The following COL5A1 variants were observed in gnomAD, a reference collection of about 807,000 sequenced individuals.
The protein encoded by COL5A1 is collagen type V alpha 1 chain.
Under a neutral mutation model 263.7 loss-of-function variants are expected in COL5A1, and 16 were observed. The observed-to-expected ratio is 0.06, with a 90% confidence interval of 0.04 to 0.09. The LOEUF (loss-of-function observed/expected upper bound fraction) is 0.09, where lower values mean the gene tolerates loss of function less well. COL5A1 is among the 10% of genes least tolerant of loss of function. The probability of loss-of-function intolerance (pLI) is 1.00; values close to 1 mark genes in which losing one functional copy is unlikely to be tolerated. For missense variants in COL5A1, 2,036 were observed against 2,540.5 expected (o/e 0.80, Z 4.27); for synonymous variants, 1,012 against 1,004.5 (o/e 1.01, Z -0.14).
At position 134,797,634 on chromosome 9, in the gene COL5A1, C is replaced by T. The variant is rs552682930; in HGVS notation, c.2898+733C>T. On this transcript the variant is annotated intron_variant, in intron 36 of 65. Transcript: ENST00000371817. The stretch of plus-strand genomic sequence containing the variant: ...AGTAGCTGGGATTACAGGCATGCGC[C>T]ACCACACCCAGCTAATTTTTGTATT... Among the ~76,000 whole-genome samples the T allele has an allele frequency of 1.2e-3, 183 of 152,288 alleles. 1 individual carries two copies. The highest frequency in any genetic ancestry group is 4.2e-3 in the African/African-American group (173 of 41,566).
rs12005196 is a variant in COL5A1 at position 134,785,244 on chromosome 9, T to G, written c.2592+148T>G. On this transcript the variant is annotated intron_variant, in intron 30 of 65. Transcript: ENST00000371817. ...GCTCCTGTCTCCACCCTGGGTTCTCTCTGCTGTTCCTATGAAGCTGTTGGT... is the reference window on the plus strand; with the variant it reads ...GCTCCTGTCTCCACCCTGGGTTCTCGCTGCTGTTCCTATGAAGCTGTTGGT... 0.13 allele frequency: 85,129 copies of G among 636,488 alleles called. 6,482 individuals are homozygous for G. The highest frequency in any genetic ancestry group is 0.25 in the African/African-American group (13,916 of 54,876). The allele number at this position is 636,488 out of a possible 1,614,324, so 39.4% of individuals were successfully genotyped here.
In COL5A1 at chr9:134,645,405, G is replaced by A. The variant is rs1005959599; in HGVS notation, c.109+3109G>A. 4.6e-5 allele frequency among the ~76,000 whole-genome samples: 7 copies of A among 152,232 alleles called. No individual in the cohort carries two copies. The East Asian group carries it at 1.3e-3, about 29-fold the overall frequency. ...GACCTTGATAGGTGGAGTAGGGGCT[G>A]TGCAGAGCAGTGAGCTGCCCCGCTG... On this transcript the variant is annotated intron_variant, in intron 1 of 65. Transcript: ENST00000371817.
intron 7 of COL5A1, 128 bp from the exon 8 acceptor site, chr9:134,731,368 C>A: frequency 1.0e-6 from 1 of 963,204 alleles, no homozygotes; most frequent in Non-Finnish European, 1.6e-6. Context: ...GGTGCCAGCA[C>A]AGGGCCTGAT....
intron 4 of COL5A1, among the ~76,000 whole-genome samples, chr9:134,726,137 G>A (rs1053232901): frequency 3.9e-5 from 6 of 152,212 alleles, no homozygotes; most frequent in African/African-American, 7.2e-5. Flanking sequence ...CCAAGCCCTC[G>A]GGGTCTAGGG....
At position 134,700,155 on chromosome 9, in the gene COL5A1, G is replaced by C; in HGVS notation, c.491+33G>C. On this transcript the variant is annotated intron_variant, in intron 3 of 65. Coordinates refer to ENST00000371817, the MANE Select transcript of COL5A1 (RefSeq NM_000093.5). This position sits in a 1 kb window ranked among gnomAD's most constrained non-coding sequence, Gnocchi z 4.0. ...GGCACTTCTGGGCAACTGTCCCCCT[G>C]CTGGAGGGGGGATCAGGCCAGCTCA... 6.3e-7 allele frequency: 1 copy of C among 1,575,358 alleles called. No individual in the cohort carries two copies. The highest frequency in any genetic ancestry group is 8.6e-7 in the Non-Finnish European group (1 of 1,159,926).
In COL5A1 at chr9:134,727,176, C is replaced by T; in HGVS notation, c.655-90C>T. The T allele has an allele frequency of 1.2e-5, 17 of 1,395,148 alleles. No individual in the cohort carries two copies. In the Admixed American group the frequency reaches 1.6e-4, roughly 13 times the overall value. The allele number at this position is 1,395,148 out of a possible 1,614,324, so 86.4% of individuals were successfully genotyped here. A position where few individuals can be genotyped will look rare whatever the true frequency, so the allele number is the denominator to read the frequency against. On this transcript the variant is annotated intron_variant, in intron 4 of 65. Transcript: ENST00000371817. Reference sequence around the variant, plus strand: ...CGTCTTGTGGCTTGGTCTGGACTTTCCCCTGCTTCAAGGCATGGGGCTGTG... The same window carrying T: ...CGTCTTGTGGCTTGGTCTGGACTTTTCCCTGCTTCAAGGCATGGGGCTGTG...
rs777146144 is a variant in COL5A1, at chr9:134,817,067, T to C, written c.4164T>C (p.Pro1388=). 6.2e-7 allele frequency: 1 copy of C among 1,613,640 alleles called. No homozygotes were observed. Among genetic ancestry groups the C allele is most frequent in the South Asian group, 1.1e-5 (1 of 91,060 alleles). The change falls in exon 53 of 66, where the codon CCT becomes CCC. Residue 1388 remains proline, a synonymous_variant. Coordinates refer to ENST00000371817, the MANE Select transcript of COL5A1 (RefSeq NM_000093.5). ...GPTGEPGPSG[P]PGKRGPPGPA... Reference sequence around the variant, plus strand: ...CTGGTGAACCAGGTCCATCGGGGCCTCCAGGAAAAAGGGTAAATAATCCTG... The same window carrying C: ...CTGGTGAACCAGGTCCATCGGGGCCCCCAGGAAAAAGGGTAAATAATCCTG...
intron 61 of COL5A1, among the ~76,000 whole-genome samples, 165 bp downstream of exon 61, chr9:134,823,634 G>A (rs1364341780): frequency 6.6e-6 from 1 of 152,232 alleles, no homozygotes; most frequent in Admixed American, 6.5e-5. Context: ...AGCCACACAG[G>A]TCTATCACAG....
chr9:134,687,604 A>G (rs1033316998), intron 1 of COL5A1, among the ~76,000 whole-genome samples: 2 of 152,188 alleles, frequency 1.3e-5, no homozygotes, highest in Admixed American at 6.5e-5. Context: ...CCTTCTGTGC[A>G]TCAGATGGTC....
intron 59 of COL5A1, among the ~76,000 whole-genome samples, chr9:134,822,681 T>C (rs1839057012): frequency 6.7e-6 from 1 of 148,950 alleles, no homozygotes; most frequent in East Asian, 2.0e-4. Context: ...GTGCATTCCA[T>C]CAGCCCCTTC....
In COL5A1 at chr9:134,785,890, C is replaced by A. The variant is rs964116559; in HGVS notation, c.2593-105C>A. On this transcript the variant is annotated intron_variant, in intron 30 of 65. Coordinates refer to ENST00000371817, the MANE Select transcript of COL5A1 (RefSeq NM_000093.5). ...TGTGCCCCCGCCTCTGGAAACCACA[C>A]CCTCCTCCAGGCCCCTGCCAGAACG... 11 of 1,075,292 alleles carry A rather than the reference C, an allele frequency of 1.0e-5. No homozygotes were observed. In the African/African-American group the frequency reaches 1.7e-4, roughly 17 times the overall value. The allele number at this position is 1,075,292 out of a possible 1,614,324, so 66.6% of individuals were successfully genotyped here.
At position 134,803,626 on chromosome 9, in the gene COL5A1, ACT is replaced by A. The variant is rs1234909887; in HGVS notation, c.3114+634_3114+635del. On this transcript the variant is annotated intron_variant, in intron 39 of 65. Coordinates refer to ENST00000371817, the MANE Select transcript of COL5A1 (RefSeq NM_000093.5). ...CTCCAGCCTGGTTAACACAAATGAA[ACT>A]CTGTTTTTAAAAACAAAAAACAAAA... is the stretch of plus-strand genomic sequence containing the variant. 4.0e-5 allele frequency among the ~76,000 whole-genome samples: 6 copies of A among 150,226 alleles called. No individual in the cohort carries two copies. In the South Asian group the frequency reaches 8.4e-4, roughly 21 times the overall value.
At position 134,796,222 on chromosome 9, in the gene COL5A1, T is replaced by C. The variant is rs187981825; in HGVS notation, c.2800-152T>C. On this transcript the variant is annotated intron_variant, in intron 34 of 65. Transcript: ENST00000371817. ...TTTGATAGCCACAGATCAGCGCCAA[T>C]GCCTTCTGCCCCTTACTGAGGGTCA... 30 of 824,126 alleles carry C rather than the reference T, an allele frequency of 3.6e-5. No individual in the cohort carries two copies. The African/African-American group carries it at 4.9e-4, about 13-fold the overall frequency. 51.1% of individuals were successfully genotyped at this position (824,126 alleles called of 1,614,324 possible). A position where few individuals can be genotyped will look rare whatever the true frequency, so the allele number is the denominator to read the frequency against.
chr9:134,750,616 C>A lies in COL5A1; in HGVS notation c.1569C>A (p.Pro523=). 1 of 1,613,330 alleles carries A rather than the reference C, an allele frequency of 6.2e-7. No homozygotes were observed. The highest frequency in any genetic ancestry group is 8.5e-7 in the Non-Finnish European group (1 of 1,179,970). ...CTCCAGGAACCATGCTCATGCTGCC[C>A]GTGAGTACCCTTATCAGTCGGAGGT... ...PGPPGTMLML[P]FRFGGGGDAG... Residue 523 remains proline (P), a splice_region_variant and synonymous_variant, in exon 12 of 66, where the codon CCC becomes CCA. Coordinates refer to ENST00000371817, the MANE Select transcript of COL5A1 (RefSeq NM_000093.5).
At chr9:134,775,471 G>A (rs1837019770) in intron 27 of COL5A1, among the ~76,000 whole-genome samples, 1 of 152,198 alleles carries the variant, frequency 6.6e-6, no homozygotes, top group Non-Finnish European at 1.5e-5. Flanking sequence ...TGCCATGACG[G>A]GCTCTGACAA....
At chr9:134,651,377 C>T (rs1042495227) in intron 1 of COL5A1, among the ~76,000 whole-genome samples, 1 of 152,048 alleles carries the variant, frequency 6.6e-6, no homozygotes, top group Non-Finnish European at 1.5e-5. Flanking sequence ...TGTGGTGGTT[C>T]GTGCTTGTGG....
rs12003876 is a variant in COL5A1, at chr9:134,785,384, C to T, written c.2592+288C>T. Reference sequence around the variant, plus strand: ...AGCCTGCGTTCTGAGCCCCAACATTCCAGGACCCCGTCCTTGTCACATTCC... The same window carrying T: ...AGCCTGCGTTCTGAGCCCCAACATTTCAGGACCCCGTCCTTGTCACATTCC... On this transcript the variant is annotated intron_variant, in intron 30 of 65. Transcript: ENST00000371817. Among the ~76,000 whole-genome samples the T allele has an allele frequency of 0.082, 12,531 of 152,296 alleles. 782 individuals carry two copies. Among genetic ancestry groups the T allele is most frequent in the African/African-American group, 0.17 (7,010 of 41,540 alleles).
intron 1 of COL5A1, among the ~76,000 whole-genome samples, chr9:134,655,962 A>T (rs2132486117): frequency 6.6e-6 from 1 of 152,286 alleles, no homozygotes; most frequent in South Asian, 2.1e-4. Context: ...CTGGGTCTGT[A>T]ACCCTGGCCC....
intron 2 of COL5A1, among the ~76,000 whole-genome samples, chr9:134,692,370 C>T (rs992985217): frequency 1.3e-5 from 2 of 152,174 alleles, no homozygotes; most frequent in Non-Finnish European, 2.9e-5. Flanking sequence ...TTTCTCCAGG[C>T]CTCTGGAGGA....
Sources: allele counts gnomAD v4.1 joint callset (sites outside exome capture counted in the v4.1 genomes callset), GRCh38; gene constraint gnomAD v4.1.1; non-coding constraint Gnocchi (gnomAD v3.1); transcripts MANE v1.5; gene names NCBI Gene and HGNC (gene_info 2026-07-23, HGNC 2026-07-21).